Variants in UNC5C observed in about 807,000 individuals in gnomAD.
UNC5C encodes the protein unc-5 netrin receptor C.
In UNC5C, 47 loss-of-function variants were observed where a neutral mutation model predicts 99.8. That is an observed-to-expected ratio of 0.47 (90% confidence interval 0.37 to 0.60). The LOEUF is 0.60. Ranked by LOEUF, UNC5C falls within the 20% of genes least tolerant of loss-of-function variation. UNC5C has a pLI of 0.00. For synonymous variants in UNC5C, 487 were observed against 452.2 expected, an observed-to-expected ratio of 1.08 and a Z score of -0.98; for missense variants, 1,062 against 1,165.9, an observed-to-expected ratio of 0.91 and a Z score of 1.30.
At chr4:95,351,027 A>C (rs2149429350) in intron 1 of UNC5C, among the ~76,000 whole-genome samples, 1 of 152,228 alleles carries the variant, frequency 6.6e-6, no homozygotes, top group East Asian at 1.9e-4. Context: ...ATAACTGGGG[A>C]CTAGAGCCTG....
intron 1 of UNC5C, among the ~76,000 whole-genome samples, chr4:95,365,391 TTAATA>T (rs1436346327): frequency 4.1e-5 from 6 of 147,596 alleles, no homozygotes; most frequent in African/African-American, 7.4e-5. Flanking sequence ...ATACAAAAAT[TTAATA>T]TAATATATAT....
At chr4:95,374,598 T>C (rs1744839094) in intron 1 of UNC5C, among the ~76,000 whole-genome samples, 1 of 152,048 alleles carries the variant, frequency 6.6e-6, no homozygotes, top group African/African-American at 2.4e-5. Flanking sequence ...GAAAGCAAGC[T>C]AGAGCCATTT....
intron 1 of UNC5C, among the ~76,000 whole-genome samples, chr4:95,538,232 A>G (rs763617800): frequency 3.3e-5 from 5 of 152,222 alleles, no homozygotes; most frequent in Non-Finnish European, 5.9e-5. Context: ...TCCAATGTAC[A>G]TTTAGCTGAC....
chr4:95,481,056 A>T (rs1409950590), intron 1 of UNC5C, among the ~76,000 whole-genome samples: 1 of 150,938 alleles, frequency 6.6e-6, no homozygotes, highest in Admixed American at 6.6e-5. Flanking sequence ...TTAGGAAAAG[A>T]GGAAGTCAAA....
intron 1 of UNC5C, among the ~76,000 whole-genome samples, chr4:95,537,802 C>A: frequency 6.6e-6 from 1 of 152,084 alleles, no homozygotes; most frequent in East Asian, 1.9e-4. Flanking sequence ...GCTCTCTTTT[C>A]TAATTTCGTT....
intron 10 of UNC5C, among the ~76,000 whole-genome samples, chr4:95,212,522 C>A (rs2149364727): frequency 6.6e-6 from 1 of 152,252 alleles, no homozygotes; most frequent in South Asian, 2.1e-4. Context: ...TTTGCCTTAT[C>A]CTTACATGTT....
At chr4:95,199,848 C>T (rs560321871) in intron 12 of UNC5C, among the ~76,000 whole-genome samples, 1 of 152,192 alleles carries the variant, frequency 6.6e-6, no homozygotes, top group African/African-American at 2.4e-5. Context: ...TTCCCTAATT[C>T]AAACCCAGCA....
intron 12 of UNC5C, among the ~76,000 whole-genome samples, chr4:95,199,261 T>G (rs1029873974): frequency 2.6e-5 from 4 of 152,180 alleles, no homozygotes; most frequent in Admixed American, 6.5e-5. Context: ...AATAAAGGGC[T>G]TTTTGAGCTA....
At chr4:95,434,889 A>G (rs557320566) in intron 1 of UNC5C, among the ~76,000 whole-genome samples, 228 of 152,184 alleles carry the variant, frequency 1.5e-3, no homozygotes, top group South Asian at 4.3e-3. Flanking sequence ...AGTTTGTCAA[A>G]GCCCATTCCC....
chr4:95,454,961 A>G (rs954760339), intron 1 of UNC5C, among the ~76,000 whole-genome samples: 4 of 152,150 alleles, frequency 2.6e-5, no homozygotes, highest in African/African-American at 9.7e-5. Context: ...GTATATATTT[A>G]TCAATATTTA....
chr4:95,480,382 G>A (rs998677104), intron 1 of UNC5C, among the ~76,000 whole-genome samples: 4 of 151,764 alleles, frequency 2.6e-5, no homozygotes, highest in African/African-American at 9.7e-5. Context: ...TAATAGTTTA[G>A]GAAAGAGTTG....
At chr4:95,231,573 C>CT (rs1240540830) in intron 7 of UNC5C, among the ~76,000 whole-genome samples, 52 of 152,112 alleles carry the variant, frequency 3.4e-4, no homozygotes, top group Non-Finnish European at 3.4e-4. Context: ...GCTTGGTCTT[C>CT]TTTTTTGCCA....
chr4:95,430,051 G>A (rs1281361883), intron 1 of UNC5C, among the ~76,000 whole-genome samples: 1 of 152,124 alleles, frequency 6.6e-6, no homozygotes, highest in East Asian at 1.9e-4. Context: ...TTTAGGGCAA[G>A]GAAAATACTT....
At chr4:95,372,299 G>A (rs116620315) in intron 1 of UNC5C, among the ~76,000 whole-genome samples, 130 of 152,198 alleles carry the variant, frequency 8.5e-4, no homozygotes, top group African/African-American at 3.1e-3. Flanking sequence ...AAATTTTATA[G>A]GCTACATTAC....
intron 2 of UNC5C, among the ~76,000 whole-genome samples, chr4:95,320,560 G>A (rs1165010108): frequency 1.3e-5 from 2 of 152,136 alleles, no homozygotes; most frequent in African/African-American, 4.8e-5. Flanking sequence ...CTTTGAAGTG[G>A]TCATATTAAA....
chr4:95,209,763 G>A lies in UNC5C; in HGVS notation c.1734-2967C>T, dbSNP rs377189149. Among the ~76,000 whole-genome samples, 44 of 152,118 alleles carry A rather than the reference G, an allele frequency of 2.9e-4. 1 individual carries two copies. Among genetic ancestry groups the A allele is most frequent in the Middle Eastern group, 6.8e-3 (2 of 292 alleles). On this transcript the variant is annotated intron_variant, in intron 10 of 15. Coordinates refer to ENST00000453304, the MANE Select transcript of UNC5C (RefSeq NM_003728.4). ...ACACAAGTCAAGTTCTGCTTTCACC[G>A]TGTCATAGTTAATACTATACTATCT...
intron 1 of UNC5C, among the ~76,000 whole-genome samples, chr4:95,539,824 C>T (rs1404743261): frequency 6.6e-6 from 1 of 152,022 alleles, no homozygotes; most frequent in Non-Finnish European, 1.5e-5. Flanking sequence ...GTGTATCTTT[C>T]ATGTGATCAC....
chr4:95,250,558 G>A lies in UNC5C; in HGVS notation c.704C>T (p.Ala235Val), dbSNP rs1332692470. Residue 235 changes from alanine (A) to valine (V), a missense_variant, in exon 5 of 16, where the codon GCA (alanine) becomes GTA (valine). Around this residue, in one of 3 missense-constraint regions of UNC5C, gnomAD observed 3 missense variants for 16.3 expected, o/e 0.18. Transcript: ENST00000453304. ...IIKQARLSDTANYTCVAKNIV... is the reference protein window; with the variant it reads ...IIKQARLSDTVNYTCVAKNIV... Reference sequence around the variant, plus strand: ...GTTTTTGGCAACACAGGTGTAATTTGCAGTATCAGAGAGTCGGGCCTGCTT... The same window carrying A: ...GTTTTTGGCAACACAGGTGTAATTTACAGTATCAGAGAGTCGGGCCTGCTT... The A allele has an allele frequency of 6.2e-7, 1 of 1,613,912 alleles. No homozygotes were observed. The highest frequency in any genetic ancestry group is 8.5e-7 in the Non-Finnish European group (1 of 1,179,992).
intron 1 of UNC5C, among the ~76,000 whole-genome samples, chr4:95,429,286 A>AC (rs1553971798): frequency 1.0e-5 from 1 of 98,550 alleles, no homozygotes; most frequent in Non-Finnish European, 2.4e-5. Context: ...TTCTTAAAAA[A>AC]AAAAAAAAAA....
Sources: gnomAD v4.1 joint callset for allele counts (sites outside exome capture counted in the v4.1 genomes callset) on GRCh38, gnomAD v4.1.1 for gene constraint, gnomAD v4.1.1 regional missense constraint, MANE v1.5 for transcripts, NCBI Gene and HGNC (gene_info 2026-07-23, HGNC 2026-07-21) for gene names.